The following ATP8A2 variants were observed in gnomAD, a reference collection of about 807,000 sequenced individuals.
ATP8A2 encodes the protein phospholipid-transporting ATPase IB.
Under a neutral mutation model 165.6 loss-of-function variants are expected in ATP8A2, and 100 were observed. The ratio of observed to expected loss-of-function variants is 0.60; its 90% CI spans 0.51 to 0.71. ATP8A2 has a LOEUF of 0.71. Ranked by LOEUF, ATP8A2 falls within the 30% of genes least tolerant of loss-of-function variation. ATP8A2 has a pLI of 0.00. For synonymous variants in ATP8A2, 543 were observed against 548.8 expected (o/e 0.99, Z 0.15); for missense variants, 1,227 against 1,479.5 (o/e 0.83, Z 2.80).
Position 25,372,796 on chromosome 13 carries a change from G to C in ATP8A2, c.76+508G>C, listed in dbSNP as rs1208608960. Reference sequence around the variant, plus strand: ...TCACCACTTGGAGCCCCGGGTCCTCGCGCGCTCACAGCGGCGACGTACTGG... The same window carrying C: ...TCACCACTTGGAGCCCCGGGTCCTCCCGCGCTCACAGCGGCGACGTACTGG... On this transcript the variant is annotated intron_variant, in intron 1 of 36. Coordinates refer to ENST00000381655, the MANE Select transcript of ATP8A2 (RefSeq NM_016529.6). This position sits in a 1 kb window ranked among gnomAD's most constrained non-coding sequence, Gnocchi z 4.8. 1.3e-5 allele frequency among the ~76,000 whole-genome samples: 2 copies of C among 152,162 alleles called. No individual in the cohort carries two copies. Among genetic ancestry groups the C allele is most frequent in the Non-Finnish European group, 2.9e-5 (2 of 68,010 alleles).
At chr13:25,496,662 A>G (rs1446628578) in intron 2 of ATP8A2, among the ~76,000 whole-genome samples, 1 of 152,158 alleles carries the variant, frequency 6.6e-6, no homozygotes, top group Non-Finnish European at 1.5e-5. Flanking sequence ...GTAAATTGGA[A>G]GGTAACAGAG....
intron 35 of ATP8A2, among the ~76,000 whole-genome samples, chr13:25,975,201 AG>A (rs951880934): frequency 7.2e-5 from 11 of 152,318 alleles, no homozygotes; most frequent in African/African-American, 2.6e-4. Context: ...CGTCCACCTC[AG>A]GACACACTCT....
At chr13:25,864,216 C>T (rs1006065094) in intron 33 of ATP8A2, among the ~76,000 whole-genome samples, 1 of 152,100 alleles carries the variant, frequency 6.6e-6, no homozygotes, top group Non-Finnish European at 1.5e-5. Context: ...TGGCCATAGA[C>T]AGTGTTCTAA....
intron 24 of ATP8A2, among the ~76,000 whole-genome samples, chr13:25,668,384 T>C (rs1566030441): frequency 6.6e-6 from 1 of 152,190 alleles, no homozygotes; most frequent in South Asian, 2.1e-4. Context: ...TGATGAGAAA[T>C]TGGCAGTTGA....
intron 25 of ATP8A2, among the ~76,000 whole-genome samples, chr13:25,744,061 C>G (rs1566097361): frequency 6.6e-6 from 1 of 152,176 alleles, no homozygotes; most frequent in Non-Finnish European, 1.5e-5. Flanking sequence ...TATTGTGGGT[C>G]TGGTTTAGTA....
At chr13:25,594,466 A>G (rs1226832716) in intron 24 of ATP8A2, among the ~76,000 whole-genome samples, 1 of 152,104 alleles carries the variant, frequency 6.6e-6, no homozygotes, top group Non-Finnish European at 1.5e-5. Context: ...AACAGGTGGT[A>G]TTTGGTTACA....
intron 24 of ATP8A2, among the ~76,000 whole-genome samples, chr13:25,698,248 C>CTTTTTT (rs2042877074): frequency 6.9e-6 from 1 of 145,164 alleles, no homozygotes. Flanking sequence ...TTTAAAGAAA[C>CTTTTTT]AGGGTCTCAC....
At chr13:25,688,162 C>A (rs1007642956) in intron 24 of ATP8A2, among the ~76,000 whole-genome samples, 1 of 152,076 alleles carries the variant, frequency 6.6e-6, no homozygotes, top group Non-Finnish European at 1.5e-5. Flanking sequence ...TTCTGAAACT[C>A]TTGGGCCTCT....
chr13:25,669,843 G>A (rs1190507980), intron 24 of ATP8A2, among the ~76,000 whole-genome samples: 1 of 152,112 alleles, frequency 6.6e-6, no homozygotes, highest in Admixed American at 6.6e-5. Flanking sequence ...GCAGCCCAAG[G>A]GAGCAGGAAT....
At chr13:25,515,467 G>C (rs2137806506) in intron 2 of ATP8A2, among the ~76,000 whole-genome samples, 1 of 152,374 alleles carries the variant, frequency 6.6e-6, no homozygotes, top group South Asian at 2.1e-4. Context: ...CCCTTGCTTA[G>C]GCGGCAGCCC....
Position 25,522,501 on chromosome 13 carries a change from G to A in ATP8A2, c.222-7498G>A, listed in dbSNP as rs140155584. Among the ~76,000 whole-genome samples, 322 of 152,258 alleles carry A rather than the reference G, an allele frequency of 2.1e-3. 1 individual carries two copies. Among genetic ancestry groups the A allele is most frequent in the African/African-American group, 6.7e-3 (277 of 41,550 alleles). ...ATCATGTTCCAGATCTTAGAGGAAA[G>A]GCTTTCAATTTTTCCCAGTTGAGTA... On this transcript the variant is annotated intron_variant, in intron 2 of 36. Transcript: ENST00000381655.
chr13:25,791,528 A>AACACACACACACAC (rs67701751), intron 27 of ATP8A2, among the ~76,000 whole-genome samples: 3 of 102,034 alleles, frequency 2.9e-5, no homozygotes, highest in African/African-American at 4.1e-5. Context: ...CCCGAACTTA[A>AACACACACACACAC]ACACACACAC....
chr13:25,471,228 T>G (rs2137532496), intron 2 of ATP8A2, among the ~76,000 whole-genome samples: 1 of 152,344 alleles, frequency 6.6e-6, no homozygotes, highest in South Asian at 2.1e-4. Flanking sequence ...TCAAGATGTA[T>G]TTTTGCTTAA....
At chr13:25,853,287 G>A (rs1048053610) in intron 30 of ATP8A2, among the ~76,000 whole-genome samples, 1 of 151,532 alleles carries the variant, frequency 6.6e-6, no homozygotes, top group Non-Finnish European at 1.5e-5. Context: ...AGCTACTCGG[G>A]AGGCTGAGGA....
chr13:25,923,281 T>G (rs1401106611), intron 33 of ATP8A2, among the ~76,000 whole-genome samples: 1 of 152,188 alleles, frequency 6.6e-6, no homozygotes, highest in African/African-American at 2.4e-5. Context: ...AAAATTGTAT[T>G]TTATTAAAGT....
intron 24 of ATP8A2, among the ~76,000 whole-genome samples, chr13:25,630,412 C>A (rs1423776514): frequency 2.6e-5 from 4 of 152,284 alleles, no homozygotes; most frequent in Admixed American, 2.6e-4. Context: ...TTTCCCTTTT[C>A]CATGCGACAG....
intron 35 of ATP8A2, among the ~76,000 whole-genome samples, chr13:25,973,751 T>A (rs1388223559): frequency 6.6e-6 from 1 of 152,194 alleles, no homozygotes; most frequent in African/African-American, 2.4e-5. Flanking sequence ...AGGCTGAGCA[T>A]GTCGCTGAGC....
chr13:25,693,653 C>T (rs2042774580), intron 24 of ATP8A2, among the ~76,000 whole-genome samples: 1 of 148,002 alleles, frequency 6.8e-6, no homozygotes, highest in African/African-American at 2.5e-5. Flanking sequence ...CAGAGAGAGA[C>T]ATCCCTCAGA....
chr13:25,940,731 C>T (rs1364891436), intron 33 of ATP8A2, among the ~76,000 whole-genome samples: 1 of 152,228 alleles, frequency 6.6e-6, no homozygotes, highest in African/African-American at 2.4e-5. Context: ...GTTCACCCCT[C>T]AGCAGGTGCA....
Sources: gnomAD v4.1 joint callset for allele counts (sites outside exome capture counted in the v4.1 genomes callset) on GRCh38, gnomAD v4.1.1 for gene constraint, Gnocchi (gnomAD v3.1) non-coding constraint, MANE v1.5 for transcripts, NCBI Gene and HGNC (gene_info 2026-07-23, HGNC 2026-07-21) for gene names.